GDA: variants seen among roughly 807,000 people sequenced by gnomAD.
GDA encodes the protein guanine deaminase, also known as cytoplasmic PSD-95 interactor.
A neutral mutation model predicts 59.6 loss-of-function variants in GDA; 18 were observed. That is an observed-to-expected ratio of 0.30 (90% CI 0.21 to 0.45). GDA has a LOEUF of 0.45. Ranked by LOEUF, GDA falls within the 20% of genes least tolerant of loss-of-function variation. The pLI is 1.00. For missense variants in GDA, 427 were observed against 552.3 expected, an observed-to-expected ratio of 0.77 and a Z score of 2.27; for synonymous variants, 201 against 201.1, an observed-to-expected ratio of 1.00 and a Z score of 0.00.
intron 9 of GDA, chr9:72,229,258 G>A (rs1838026466): frequency 6.5e-6 from 1 of 153,320 alleles, no homozygotes; most frequent in African/African-American, 2.5e-5. Flanking sequence ...GGCTGAGGCA[G>A]GAGAATGGCA....
rs1286852727 is a variant in GDA at position 72,210,675 on chromosome 9, A to G, written c.385-12A>G. 1 of 1,540,874 alleles carries G rather than the reference A, an allele frequency of 6.5e-7. No individual in the cohort carries two copies. The highest frequency in any genetic ancestry group is 1.1e-5 in the South Asian group (1 of 89,506). On this transcript the variant is annotated splice_polypyrimidine_tract_variant and intron_variant, in intron 3 of 13. Coordinates refer to ENST00000358399, the MANE Select transcript of GDA (RefSeq NM_004293.5). ...GCACACGTGATTCGCGGTTTTTGTGATTTATTTTTAGAGGAGAACACTAAA... is the reference window on the plus strand; with the variant it reads ...GCACACGTGATTCGCGGTTTTTGTGGTTTATTTTTAGAGGAGAACACTAAA...
chr9:72,136,832 G>A (rs966430026), intron 1 of GDA, among the ~76,000 whole-genome samples: 5 of 152,122 alleles, frequency 3.3e-5, no homozygotes, highest in South Asian at 4.2e-4. Context: ...AAAATTAGCC[G>A]GGCATGGTGG....
intron 1 of GDA, among the ~76,000 whole-genome samples, chr9:72,129,443 C>T (rs767500199): frequency 1.3e-5 from 2 of 152,160 alleles, no homozygotes; most frequent in Admixed American, 6.5e-5. Context: ...CCTCCAGACC[C>T]GTGGACATCC....
chr9:72,164,874 C>A (rs1364241472), intron 1 of GDA, among the ~76,000 whole-genome samples: 1 of 151,618 alleles, frequency 6.6e-6, no homozygotes, highest in East Asian at 1.9e-4. Context: ...CCTGTAGTCC[C>A]AGCTACTTTG....
At chr9:72,255,938 A>T (rs1564234640), downstream of GDA, among the ~76,000 whole-genome samples, 1 of 151,770 alleles carries the variant, frequency 6.6e-6, no homozygotes, top group Non-Finnish European at 1.5e-5. Context: ...TTCCCTAGAA[A>T]ATTATTGCCC....
intron 10 of GDA, among the ~76,000 whole-genome samples, chr9:72,234,749 A>G (rs935468168): frequency 3.9e-5 from 6 of 152,258 alleles, no homozygotes; most frequent in Non-Finnish European, 1.5e-5. Flanking sequence ...AAATATTTTA[A>G]TTACAATAAA....
At chr9:72,125,283 CTTCA>C (rs1825804944) in intron 1 of GDA, among the ~76,000 whole-genome samples, 1 of 151,990 alleles carries the variant, frequency 6.6e-6, no homozygotes, top group Non-Finnish European at 1.5e-5. Context: ...TCCTTCCTTC[CTTCA>C]TTCCTTCCTT....
intron 5 of GDA, chr9:72,214,742 T>C: frequency 2.9e-6 from 1 of 348,070 alleles, no homozygotes; most frequent in Non-Finnish European, 5.5e-6. Flanking sequence ...TTCTTTTCTT[T>C]TCTTTTTTTG....
At chr9:72,224,536 C>A (rs1837303187) in intron 7 of GDA, among the ~76,000 whole-genome samples, 1 of 152,134 alleles carries the variant, frequency 6.6e-6, no homozygotes. Context: ...GGGCATAGGA[C>A]TTATTGTTTT....
chr9:72,193,435 G>A (rs978697206), intron 1 of GDA, among the ~76,000 whole-genome samples: 1 of 152,252 alleles, frequency 6.6e-6, no homozygotes, highest in African/African-American at 2.4e-5. Context: ...TGGTTTACCA[G>A]GCAAAAAGAC....
chr9:72,196,298 T>C (rs1833161931), intron 2 of GDA, among the ~76,000 whole-genome samples: 1 of 151,906 alleles, frequency 6.6e-6, no homozygotes, highest in East Asian at 1.9e-4. Flanking sequence ...CTGGCCAACG[T>C]GGTGAAACCC....
In GDA at chr9:72,249,126, A is replaced by C; in HGVS notation, c.*784A>C. 1.0e-6 allele frequency: 1 copy of C among 979,546 alleles called. No homozygotes were observed. The highest frequency in any genetic ancestry group is 1.2e-6 in the Non-Finnish European group (1 of 824,260). 60.7% of individuals were successfully genotyped at this position (979,546 alleles called of 1,614,324 possible). On this transcript the variant is annotated 3_prime_UTR_variant, in exon 14 of 14. Coordinates refer to ENST00000358399, the MANE Select transcript of GDA (RefSeq NM_004293.5). ...AATAGTTGTATTTTTGTGTACTTTA[A>C]AATCAACTTATAACTGTGAGATGTT...
chr9:72,249,999 A>G lies in GDA; in HGVS notation c.*1657A>G. Reference sequence around the variant, plus strand: ...AACAAAAGTTAGTTTTATTTTTTTAATAAACAACAGAGTTTGTTTTGTGAG... The same window carrying G: ...AACAAAAGTTAGTTTTATTTTTTTAGTAAACAACAGAGTTTGTTTTGTGAG... On this transcript the variant is annotated 3_prime_UTR_variant, in exon 14 of 14. Transcript: ENST00000358399. 1.0e-6 allele frequency: 1 copy of G among 956,360 alleles called. No individual in the cohort carries two copies. The highest frequency in any genetic ancestry group is 1.2e-6 in the Non-Finnish European group (1 of 803,552). 59.2% of individuals were successfully genotyped at this position (956,360 alleles called of 1,614,324 possible).
intron 10 of GDA, among the ~76,000 whole-genome samples, chr9:72,237,045 G>C (rs890450579): frequency 1.3e-5 from 2 of 152,100 alleles, no homozygotes; most frequent in Admixed American, 1.3e-4. Flanking sequence ...CTCCCACAGT[G>C]CTGGGATTGC....
At chr9:72,186,122 C>G (rs1831832971) in intron 1 of GDA, among the ~76,000 whole-genome samples, 1 of 152,162 alleles carries the variant, frequency 6.6e-6, no homozygotes, top group African/African-American at 2.4e-5. Context: ...GGGTTTCCTG[C>G]ATAAATCCAG....
intron 1 of GDA, among the ~76,000 whole-genome samples, chr9:72,123,185 C>CT (rs530381322): frequency 0.16 from 20,192 of 125,970 alleles, 2,107 homozygotes; most frequent in East Asian, 0.48. Context: ...TTTTTCTTCC[C>CT]TTTTTTTTTT....
At chr9:72,195,231 C>G (rs964899483) in intron 1 of GDA, among the ~76,000 whole-genome samples, 1 of 151,956 alleles carries the variant, frequency 6.6e-6, no homozygotes, top group Non-Finnish European at 1.5e-5. Context: ...ATTTTTAATA[C>G]CTTGTATCTT....
upstream of GDA, among the ~76,000 whole-genome samples, chr9:72,145,797 A>T (rs1266290738): frequency 6.6e-5 from 10 of 152,334 alleles, no homozygotes; most frequent in Middle Eastern, 6.8e-3. Flanking sequence ...AACTAAATAA[A>T]TGAAATAAAA....
chr9:72,218,167 G>A (rs1010438368), intron 5 of GDA, among the ~76,000 whole-genome samples: 4 of 152,204 alleles, frequency 2.6e-5, no homozygotes, highest in African/African-American at 9.7e-5. Flanking sequence ...GCCTGCTTCA[G>A]CCTCCCAAAG....
Sources: gnomAD v4.1 joint callset for allele counts (sites outside exome capture counted in the v4.1 genomes callset) on GRCh38, gnomAD v4.1.1 for gene constraint, MANE v1.5 for transcripts, NCBI Gene and HGNC (gene_info 2026-07-23, HGNC 2026-07-21) for gene names.